Variants in IL1RAPL2 observed in about 807,000 individuals in gnomAD.
IL1RAPL2 encodes the protein interleukin 1 receptor accessory protein like 2.
IL1RAPL2 carries 3 observed loss-of-function variants against 44.1 expected under a neutral mutation model. That is an observed-to-expected ratio of 0.07 (90% CI 0.03 to 0.18). The LOEUF is 0.18. Among genes scored for constraint, IL1RAPL2 ranks in the 10% least tolerant of loss-of-function variants. IL1RAPL2 has a pLI of 1.00. For missense variants in IL1RAPL2, 391 were observed against 496.4 expected (o/e 0.79, Z 2.02); for synonymous variants, 181 against 178.8 (o/e 1.01, Z -0.10).
At chrX:104,762,428 CT>C (rs1205185443) in intron 2 of IL1RAPL2, among the ~76,000 whole-genome samples, 1 of 112,186 alleles carries the variant, frequency 8.9e-6, no homozygotes, top group Non-Finnish European at 1.9e-5. Flanking sequence ...GGTACAGCCC[CT>C]CTCCTGGCTG....
intron 3 of IL1RAPL2, among the ~76,000 whole-genome samples, chrX:105,215,333 T>C (rs2033846418): frequency 8.9e-6 from 1 of 111,771 alleles, no homozygotes; most frequent in Non-Finnish European, 1.9e-5. Flanking sequence ...TATAAACACC[T>C]CTACGCAAAT....
intron 6 of IL1RAPL2, among the ~76,000 whole-genome samples, chrX:105,576,016 G>A (rs2037047811): frequency 9.0e-6 from 1 of 110,834 alleles, no homozygotes; most frequent in Non-Finnish European, 1.9e-5. Flanking sequence ...TTTTTAATGG[G>A]GTTGTTTTTT....
intron 2 of IL1RAPL2, among the ~76,000 whole-genome samples, chrX:104,813,846 G>C (rs1054106606): frequency 8.9e-6 from 1 of 111,889 alleles, no homozygotes; most frequent in East Asian, 2.8e-4. Context: ...CTTCATGCCA[G>C]TAAAGCAGCA....
intron 5 of IL1RAPL2, among the ~76,000 whole-genome samples, chrX:105,354,330 T>C (rs1291771293): frequency 4.6e-5 from 5 of 108,675 alleles, no homozygotes; most frequent in African/African-American, 1.7e-4. Flanking sequence ...CCATAAAAAA[T>C]GATGAGTTCA....
chrX:104,903,161 C>T (rs1923867310), intron 2 of IL1RAPL2, among the ~76,000 whole-genome samples: 1 of 111,610 alleles, frequency 9.0e-6, no homozygotes, highest in Admixed American at 9.6e-5. Flanking sequence ...TAACGTGAAT[C>T]TTTAAAAGGG....
At chrX:105,542,135 G>A (rs1408082320) in intron 6 of IL1RAPL2, among the ~76,000 whole-genome samples, 1 of 111,815 alleles carries the variant, frequency 8.9e-6, no homozygotes, top group Non-Finnish European at 1.9e-5. Context: ...TCTCTACCAA[G>A]CTTCAATGCT....
intron 2 of IL1RAPL2, among the ~76,000 whole-genome samples, chrX:104,899,086 T>C (rs1035320282): frequency 5.3e-5 from 6 of 112,150 alleles, no homozygotes; most frequent in African/African-American, 1.9e-4. Flanking sequence ...CAGCTGACTA[T>C]ACAGCACTAC....
chrX:105,679,430 T>C (rs2037903457), intron 6 of IL1RAPL2, among the ~76,000 whole-genome samples: 1 of 111,799 alleles, frequency 8.9e-6, no homozygotes. Context: ...ATTCATATGG[T>C]ATGAGGGAAC....
intron 5 of IL1RAPL2, among the ~76,000 whole-genome samples, chrX:105,374,650 G>T (rs947761699): frequency 2.7e-5 from 3 of 110,845 alleles, no homozygotes; most frequent in African/African-American, 9.8e-5. Flanking sequence ...GGTTGTTGTT[G>T]GAGTATAAGA....
At chrX:105,679,179 T>C (rs186105897) in intron 6 of IL1RAPL2, among the ~76,000 whole-genome samples, 2 of 111,716 alleles carry the variant, frequency 1.8e-5, no homozygotes, top group Non-Finnish European at 3.8e-5. Flanking sequence ...CTTGAGGCTC[T>C]ACTTAAGTTA....
chrX:104,884,060 GC>G (rs778665810), intron 2 of IL1RAPL2, among the ~76,000 whole-genome samples: 28 of 110,541 alleles, frequency 2.5e-4, no homozygotes, highest in African/African-American at 7.4e-4. Context: ...ATCAGTAAGG[GC>G]CGCTAAATCC....
At chrX:105,253,254 T>C (rs938147093) in intron 4 of IL1RAPL2, among the ~76,000 whole-genome samples, 1 of 112,165 alleles carries the variant, frequency 8.9e-6, no homozygotes, top group African/African-American at 3.2e-5. Context: ...TCCATTCTTC[T>C]CTCTCCTTCC....
intron 2 of IL1RAPL2, among the ~76,000 whole-genome samples, chrX:104,759,763 A>G (rs1355419536): frequency 3.6e-5 from 4 of 111,762 alleles, no homozygotes; most frequent in Non-Finnish European, 7.5e-5. Context: ...CTCATGGAAA[A>G]TGGGGTATCC....
intron 2 of IL1RAPL2, among the ~76,000 whole-genome samples, chrX:105,110,809 C>T (rs972493049): frequency 1.8e-5 from 2 of 110,780 alleles, no homozygotes; most frequent in African/African-American, 6.6e-5. Flanking sequence ...TGGTAGCGTA[C>T]ACCTGTAGTC....
intron 3 of IL1RAPL2, among the ~76,000 whole-genome samples, chrX:105,210,061 G>T (rs190763603): frequency 9.1e-6 from 1 of 109,451 alleles, no homozygotes; most frequent in Admixed American, 9.8e-5. Flanking sequence ...ATTCCTAAAG[G>T]TACCACTGTC....
intron 2 of IL1RAPL2, among the ~76,000 whole-genome samples, chrX:104,721,873 A>G (rs1217750664): frequency 9.0e-6 from 1 of 111,675 alleles, no homozygotes; most frequent in Non-Finnish European, 1.9e-5. Flanking sequence ...TTTGAAATTC[A>G]GCCATGTATT....
At chrX:105,057,374 G>A (rs1274151741) in intron 2 of IL1RAPL2, among the ~76,000 whole-genome samples, 2 of 111,878 alleles carry the variant, frequency 1.8e-5, no homozygotes, top group Non-Finnish European at 3.8e-5. Context: ...AGTGACATGT[G>A]TATGTTTGGC....
chrX:105,529,663 C>T (rs2036619236), intron 6 of IL1RAPL2, among the ~76,000 whole-genome samples: 1 of 111,781 alleles, frequency 8.9e-6, no homozygotes, highest in Non-Finnish European at 1.9e-5. Flanking sequence ...GTGCAACCAT[C>T]ACTACCATCC....
rs782496957 is a variant in IL1RAPL2, at chrX:105,179,981, T to C, written c.83-15494T>C. 7.3e-5 allele frequency among the ~76,000 whole-genome samples: 8 copies of C among 110,273 alleles called. No individual in the cohort carries two copies. In the East Asian group the frequency reaches 2.3e-3, roughly 31 times the overall value. On this transcript the variant is annotated intron_variant, in intron 2 of 10. Transcript: ENST00000372582. ...TTCCAATTTGGATGTCTTTTTTTTT[T>C]CTTCTCTTGCCTGATTGCTCTGGCT... is the stretch of plus-strand genomic sequence containing the variant.
Sources: gnomAD v4.1 joint callset for allele counts (sites outside exome capture counted in the v4.1 genomes callset) on GRCh38, gnomAD v4.1.1 for gene constraint, MANE v1.5 for transcripts, NCBI Gene and HGNC (gene_info 2026-07-23, HGNC 2026-07-21) for gene names.